GLRB: variants seen among roughly 807,000 people sequenced by gnomAD.
The protein encoded by GLRB is glycine receptor beta, also known as glycine receptor subunit beta.
A neutral mutation model predicts 54.2 loss-of-function variants in GLRB; 33 were observed. That is an observed-to-expected ratio of 0.61 (90% CI 0.46 to 0.81). The LOEUF (loss-of-function observed/expected upper bound fraction) is 0.81. Ranked by LOEUF, GLRB falls within the 40% of genes least tolerant of loss-of-function variation. The pLI is 0.00. For synonymous variants in GLRB, 209 were observed against 208.2 expected (o/e 1.00, Z -0.03); for missense variants, 572 against 584.6 (o/e 0.98, Z 0.22).
At chr4:157,156,913 C>G (rs115136743) in intron 9 of GLRB, among the ~76,000 whole-genome samples, 57 of 152,264 alleles carry the variant, frequency 3.7e-4, no homozygotes, top group African/African-American at 1.3e-3. Flanking sequence ...TTTAAGCCTT[C>G]TGTTTTAACT....
chr4:157,170,126 C>T lies in GLRB; in HGVS notation c.1198-306C>T, dbSNP rs1737862587. Among the ~76,000 whole-genome samples, 6 of 152,064 alleles carry T rather than the reference C, an allele frequency of 3.9e-5. No individual in the cohort carries two copies. In the South Asian group the frequency reaches 1.2e-3, roughly 32 times the overall value. On this transcript the variant is annotated intron_variant, in intron 9 of 9. Transcript: ENST00000264428. Reference sequence around the variant, plus strand: ...AAAAATGGATGTTTATTTATTAGTCCTACAACTGAGAACTTTCACAAGCCT... The same window carrying T: ...AAAAATGGATGTTTATTTATTAGTCTTACAACTGAGAACTTTCACAAGCCT...
chr4:157,124,185 GT>G (rs1339819729), intron 4 of GLRB, among the ~76,000 whole-genome samples: 7 of 151,702 alleles, frequency 4.6e-5, no homozygotes, highest in African/African-American at 1.5e-4. Context: ...ACCCATCCCA[GT>G]AGTTAGCCAA....
chr4:157,079,551 C>T (rs1734153467), intron 2 of GLRB, among the ~76,000 whole-genome samples: 1 of 152,134 alleles, frequency 6.6e-6, no homozygotes, highest in Non-Finnish European at 1.5e-5. Flanking sequence ...TATTCTAGTG[C>T]TGCAGCATAT....
intron 8 of GLRB, among the ~76,000 whole-genome samples, chr4:157,148,489 C>G (rs1188739640): frequency 1.3e-5 from 2 of 152,118 alleles, no homozygotes; most frequent in Non-Finnish European, 2.9e-5. Flanking sequence ...CCTTTTCTAA[C>G]ATGAACATTT....
intron 4 of GLRB, among the ~76,000 whole-genome samples, chr4:157,128,966 AC>A (rs1415681536): frequency 6.6e-6 from 1 of 151,904 alleles, no homozygotes. Context: ...TGCAAAGAAA[AC>A]AAATGAATTA....
chr4:157,084,988 A>C (rs757591361), intron 2 of GLRB, among the ~76,000 whole-genome samples: 9 of 152,202 alleles, frequency 5.9e-5, no homozygotes, highest in Non-Finnish European at 1.3e-4. Context: ...GCCTGTTATC[A>C]CTGTTACATA....
At chr4:157,144,721 T>C (rs1389529393) in intron 8 of GLRB, among the ~76,000 whole-genome samples, 2 of 152,228 alleles carry the variant, frequency 1.3e-5, no homozygotes, top group Admixed American at 6.5e-5. Context: ...GACTGTGAAC[T>C]GTCTGACCTC....
chr4:157,084,747 T>C (rs1317779582), intron 2 of GLRB: 7 of 455,010 alleles, frequency 1.5e-5, no homozygotes, highest in South Asian at 7.8e-5. Flanking sequence ...TGATTATTCA[T>C]TGATTATTCA....
At chr4:157,161,640 A>T (rs921295331) in intron 9 of GLRB, among the ~76,000 whole-genome samples, 1 of 152,168 alleles carries the variant, frequency 6.6e-6, no homozygotes, top group Non-Finnish European at 1.5e-5. Flanking sequence ...CTTCTCTTTA[A>T]GAATGTTGAC....
intron 7 of GLRB, among the ~76,000 whole-genome samples, chr4:157,142,011 C>A (rs1391803855): frequency 1.3e-5 from 2 of 152,080 alleles, no homozygotes; most frequent in East Asian, 1.9e-4. Flanking sequence ...AGAAACATTT[C>A]ATATGCACTA....
intron 9 of GLRB, among the ~76,000 whole-genome samples, chr4:157,163,689 CTG>C (rs1191329197): frequency 6.6e-6 from 1 of 152,074 alleles, no homozygotes; most frequent in East Asian, 1.9e-4. Flanking sequence ...TTTCCACTTG[CTG>C]GCTTCTTTAG....
chr4:157,105,304 T>A (rs1735182651), intron 2 of GLRB, among the ~76,000 whole-genome samples: 1 of 152,068 alleles, frequency 6.6e-6, no homozygotes, highest in South Asian at 2.1e-4. Context: ...TCAAAATGTG[T>A]TAATTTCAAC....
chr4:157,088,752 G>T (rs1306418240), intron 2 of GLRB, among the ~76,000 whole-genome samples: 1 of 151,940 alleles, frequency 6.6e-6, no homozygotes, highest in Non-Finnish European at 1.5e-5. Context: ...GTACCTTTTA[G>T]CTTACTTTGC....
chr4:157,111,747 T>C (rs1033468040), intron 2 of GLRB, among the ~76,000 whole-genome samples: 2 of 151,966 alleles, frequency 1.3e-5, no homozygotes, highest in African/African-American at 4.8e-5. Context: ...GACTTTTCAA[T>C]AGAGTCATAT....
At chr4:157,163,945 A>G (rs900059373) in intron 9 of GLRB, among the ~76,000 whole-genome samples, 2 of 151,956 alleles carry the variant, frequency 1.3e-5, no homozygotes, top group African/African-American at 2.4e-5. Flanking sequence ...GAAGTCCTCT[A>G]TGCTTTTCGA....
intron 4 of GLRB, among the ~76,000 whole-genome samples, chr4:157,131,831 C>T (rs1245410918): frequency 1.3e-5 from 2 of 151,670 alleles, no homozygotes; most frequent in East Asian, 1.9e-4. Context: ...ATTTATCTAC[C>T]GAATGACATT....
chr4:157,084,626 T>C (rs1215774829), intron 2 of GLRB: 1 of 456,138 alleles, frequency 2.2e-6, no homozygotes, highest in Non-Finnish European at 4.4e-6. Flanking sequence ...CATATGTAAA[T>C]GGTTTGATGC....
intron 4 of GLRB, among the ~76,000 whole-genome samples, chr4:157,130,796 T>A (rs899127256): frequency 6.6e-6 from 1 of 151,594 alleles, no homozygotes; most frequent in Non-Finnish European, 1.5e-5. Flanking sequence ...ATATAGAAAT[T>A]CTGTGTTTAG....
At chr4:157,082,281 T>C (rs1219691373) in intron 2 of GLRB, among the ~76,000 whole-genome samples, 1 of 152,124 alleles carries the variant, frequency 6.6e-6, no homozygotes, top group Non-Finnish European at 1.5e-5. Context: ...ATTTAGATAA[T>C]CACATTCTGT....
Sources: allele counts gnomAD v4.1 joint callset (sites outside exome capture counted in the v4.1 genomes callset), GRCh38; gene constraint gnomAD v4.1.1; transcripts MANE v1.5; gene names NCBI Gene and HGNC (gene_info 2026-07-23, HGNC 2026-07-21).